FCRL1: variants seen among roughly 807,000 people sequenced by gnomAD.
The protein encoded by FCRL1 is Fc receptor like 1.
FCRL1 carries 34 observed loss-of-function variants against 49.2 expected under a neutral mutation model. The ratio of observed to expected loss-of-function variants is 0.69; its 90% CI spans 0.53 to 0.92. The LOEUF is 0.92. FCRL1 is among the 40% of genes least tolerant of loss of function. FCRL1 has a pLI of 0.00. For missense variants in FCRL1, 524 were observed against 524.1 expected, an observed-to-expected ratio of 1.00 and a Z score of 0.00; for synonymous variants, 218 against 201.6, an observed-to-expected ratio of 1.08 and a Z score of -0.69.
Position 157,809,552 on chromosome 1 carries a change from G to A in FCRL1, c.32-2430C>T, listed in dbSNP as rs181917825. On this transcript the variant is annotated intron_variant, in intron 1 of 10. Transcript: ENST00000368176. ...CATCCTCCACCTCTCGGGTTCAAGC[G>A]ATTCTCCTGCCTCAGCCTCCTAAGT... Among the ~76,000 whole-genome samples the A allele has an allele frequency of 8.5e-5, 13 of 152,210 alleles. No individual in the cohort carries two copies. The East Asian group carries it at 1.5e-3, about 18-fold the overall frequency.
chr1:157,811,157 G>T (rs1210715824), intron 1 of FCRL1, among the ~76,000 whole-genome samples: 7 of 152,148 alleles, frequency 4.6e-5, no homozygotes, highest in Admixed American at 4.6e-4. Flanking sequence ...TAAGAGAAAA[G>T]ACATTGTCGG....
chr1:157,807,430 A>G (rs972847335), intron 1 of FCRL1, among the ~76,000 whole-genome samples: 3 of 152,128 alleles, frequency 2.0e-5, no homozygotes, highest in Non-Finnish European at 4.4e-5. Context: ...TCACAAAGTA[A>G]TTGCCAATGA....
Position 157,804,082 on chromosome 1 carries a change from GA to G in FCRL1, c.81del (p.Thr29GlnfsTer6). On this transcript the variant is annotated frameshift_variant, in exon 3 of 11. Coordinates refer to ENST00000368176, the MANE Select transcript of FCRL1 (RefSeq NM_052938.5). LOFTEE classifies it high-confidence loss of function. Reference sequence around the variant, plus strand: ...AGGGTCACTGGGCTCCCCTCTGTGGGATGGGAGGGGCTGGCTATCAAAAACA... The same window carrying G: ...AGGGTCACTGGGCTCCCCTCTGTGGGTGGGAGGGGCTGGCTATCAAAAACA... ...AELFLIASPS[H>X]PTEGSPVTLT... 1 of 1,614,160 alleles carries G rather than the reference GA, an allele frequency of 6.2e-7. No homozygotes were observed. Among genetic ancestry groups the G allele is most frequent in the Non-Finnish European group, 8.5e-7 (1 of 1,180,018 alleles).
intron 3 of FCRL1, among the ~76,000 whole-genome samples, chr1:157,803,068 C>A (rs1652797746): frequency 1.3e-5 from 2 of 152,170 alleles, no homozygotes; most frequent in Non-Finnish European, 2.9e-5. Context: ...CTCTGAAGTA[C>A]AATTTTCCAT....
chr1:157,798,059 C>A, intron 8 of FCRL1, 102 bp downstream of exon 8: 1 of 1,498,546 alleles, frequency 6.7e-7, no homozygotes, highest in South Asian at 1.1e-5. Context: ...GTAGCAGAGG[C>A]TAGGGCACAG....
At chr1:157,811,962 G>T (rs76428807) in intron 1 of FCRL1, among the ~76,000 whole-genome samples, 8,692 of 152,222 alleles carry the variant, frequency 0.057, 346 homozygotes, top group South Asian at 0.18. Context: ...CAAGGAACAG[G>T]CTGTCCTGCC....
At chr1:157,803,102 T>C (rs1169210834) in intron 3 of FCRL1, among the ~76,000 whole-genome samples, 1 of 152,206 alleles carries the variant, frequency 6.6e-6, no homozygotes, top group Non-Finnish European at 1.5e-5. Flanking sequence ...CTGGTAATGA[T>C]AGTTATCTCC....
intron 1 of FCRL1, among the ~76,000 whole-genome samples, chr1:157,817,603 C>T (rs1467730977): frequency 6.6e-6 from 1 of 152,012 alleles, no homozygotes; most frequent in Non-Finnish European, 1.5e-5. Flanking sequence ...AGCTCTATGT[C>T]ACTGATTTGG....
At chr1:157,804,457 A>G (rs2101854396) in intron 2 of FCRL1, among the ~76,000 whole-genome samples, 1 of 152,334 alleles carries the variant, frequency 6.6e-6, no homozygotes, top group African/African-American at 2.4e-5. Context: ...TGGAGTCGGC[A>G]TTGGAGATGA....
chr1:157,813,542 T>A (rs10443906), intron 1 of FCRL1, among the ~76,000 whole-genome samples: 66,903 of 152,034 alleles, frequency 0.44, 15,044 homozygotes, highest in African/African-American at 0.53. Flanking sequence ...ATAACCCAGT[T>A]AGCTGAGGAA....
intron 1 of FCRL1, 106 bp downstream of exon 1, chr1:157,819,901 G>T: frequency 7.4e-7 from 1 of 1,347,264 alleles, no homozygotes; most frequent in Non-Finnish European, 1.1e-6. Context: ...GCACCCCTGA[G>T]CATTACCTGA....
chr1:157,808,736 T>C (rs2182308), intron 1 of FCRL1, among the ~76,000 whole-genome samples: 6,942 of 152,246 alleles, frequency 0.046, 506 homozygotes, highest in African/African-American at 0.16. Flanking sequence ...TTAGTGGGAA[T>C]TTAGTGTAGG....
chr1:157,814,602 T>C (rs1654782723), intron 1 of FCRL1, among the ~76,000 whole-genome samples: 1 of 151,566 alleles, frequency 6.6e-6, no homozygotes, highest in Non-Finnish European at 1.5e-5. Context: ...ATGGCAGGAG[T>C]TAAGTCCGTA....
At chr1:157,810,267 G>A (rs1298154565) in intron 1 of FCRL1, among the ~76,000 whole-genome samples, 1 of 151,120 alleles carries the variant, frequency 6.6e-6, no homozygotes, top group African/African-American at 2.4e-5. Context: ...ATAAAAGGGA[G>A]TGAGGGCATA....
chr1:157,804,944 C>T (rs1231594588), intron 2 of FCRL1, among the ~76,000 whole-genome samples: 1 of 151,884 alleles, frequency 6.6e-6, no homozygotes, highest in African/African-American at 2.4e-5. Flanking sequence ...ACTGCAACCT[C>T]AACCTCCTGG....
chr1:157,814,374 G>A (rs1356512048), intron 1 of FCRL1, among the ~76,000 whole-genome samples: 1 of 151,898 alleles, frequency 6.6e-6, no homozygotes, highest in East Asian at 1.9e-4. Context: ...CCAAAGTTAA[G>A]CTGTTATCAG....
intron 1 of FCRL1, among the ~76,000 whole-genome samples, chr1:157,810,613 G>A (rs925080805): frequency 6.6e-6 from 1 of 151,986 alleles, no homozygotes; most frequent in Admixed American, 6.6e-5. Flanking sequence ...TTTTTGAAGG[G>A]ATGAAAATGT....
chr1:157,807,397 C>G lies in FCRL1; in HGVS notation c.32-275G>C, dbSNP rs1241099067. 2.6e-4 allele frequency among the ~76,000 whole-genome samples: 40 copies of G among 152,188 alleles called. 1 individual carries two copies. Among genetic ancestry groups the G allele is most frequent in the Admixed American group, 2.6e-3 (40 of 15,276 alleles). ...ACCCACAGAGCACCTGCCCACAGAA[C>G]AACACATCGTTCTTTTTTATGATCA... On this transcript the variant is annotated intron_variant, in intron 1 of 10. Transcript: ENST00000368176.
At chr1:157,816,041 A>G (rs992417243) in intron 1 of FCRL1, among the ~76,000 whole-genome samples, 4 of 151,992 alleles carry the variant, frequency 2.6e-5, no homozygotes, top group African/African-American at 7.2e-5. Flanking sequence ...ACTAATACCA[A>G]TTCCTCTCAA....
Sources: gnomAD v4.1 joint callset for allele counts (sites outside exome capture counted in the v4.1 genomes callset) on GRCh38, gnomAD v4.1.1 for gene constraint, MANE v1.5 for transcripts, NCBI Gene and HGNC (gene_info 2026-07-23, HGNC 2026-07-21) for gene names.